CALHM4: variants seen among roughly 807,000 people sequenced by gnomAD.
CALHM4 encodes calcium homeostasis modulator protein 4.
In CALHM4, 16 loss-of-function variants were observed where a neutral mutation model predicts 13.3. The observed-to-expected ratio is 1.20, with a 90% CI of 0.81 to 1.82. The LOEUF is 1.82. Among genes scored for constraint, CALHM4 ranks in the 40% most tolerant of loss-of-function variants. The probability of loss-of-function intolerance (pLI) is 0.00; values close to 1 mark genes in which losing one functional copy is unlikely to be tolerated. For synonymous variants in CALHM4, 127 were observed against 137.1 expected, an observed-to-expected ratio of 0.93 and a Z score of 0.52; for missense variants, 344 against 374.9, an observed-to-expected ratio of 0.92 and a Z score of 0.68.
chr6:116,537,979 G>A (rs1773200537), intron 1 of CALHM4, among the ~76,000 whole-genome samples: 1 of 152,160 alleles, frequency 6.6e-6, no homozygotes, highest in Non-Finnish European at 1.5e-5. Context: ...GAGGACCACA[G>A]GTAACAAGAA....
intron 1 of CALHM4, among the ~76,000 whole-genome samples, chr6:116,534,251 C>T (rs1337241784): frequency 6.6e-6 from 1 of 152,140 alleles, no homozygotes; most frequent in East Asian, 1.9e-4. Flanking sequence ...CTGTGGGACT[C>T]CCCTCTGAAA....
rs1388947226 is a variant in CALHM4, at chr6:116,559,158, G to A, written c.*947G>A. Reference sequence around the variant, plus strand: ...CTGGCTTTACTAAATGCAGCCTACAGTATCTGGACAATTTTCTAATTTATC... The same window carrying A: ...CTGGCTTTACTAAATGCAGCCTACAATATCTGGACAATTTTCTAATTTATC... On this transcript the variant is annotated 3_prime_UTR_variant, in exon 2 of 2. Transcript: ENST00000368596. Among the ~76,000 whole-genome samples, 1 of 152,214 alleles carries A rather than the reference G, an allele frequency of 6.6e-6. No homozygotes were observed. Among genetic ancestry groups the A allele is most frequent in the East Asian group, 1.9e-4 (1 of 5,196 alleles).
chr6:116,553,867 C>G lies in CALHM4; in HGVS notation c.74C>G (p.Ala25Gly), dbSNP rs888216739. The change falls in exon 1 of 2, where the codon GCC becomes GGC. Residue 25 changes from alanine (A) to glycine (G), a missense_variant. Ala to Gly is a moderately conservative substitution (Grantham distance 60). Transcript: ENST00000368596. The stretch of plus-strand genomic sequence containing the variant: ...ATATTTATCAATTCTTTAATTGCAG[C>G]CTTGACTATTGGTGGGCAACAACTC... Reference protein sequence around the residue: ...NGIFINSLIAALTIGGQQLFS... With the variant: ...NGIFINSLIAGLTIGGQQLFS... The G allele has an allele frequency of 5.2e-6, 8 of 1,550,504 alleles. No individual in the cohort carries two copies. The highest frequency in any genetic ancestry group is 4.1e-5 in the African/African-American group (3 of 73,058).
Position 116,558,145 on chromosome 6 carries a change from C to T in CALHM4, c.879C>T (p.Phe293=), listed in dbSNP as rs1401628386. The change falls in exon 2 of 2, where the codon TTC becomes TTT. Residue 293 remains phenylalanine, a synonymous_variant. Transcript: ENST00000368596. Reference sequence around the variant, plus strand: ...ATGACTTGCAAGGTCACTATAGCTTCCTTGGAAATAGGGTGGATGAGGATA... The same window carrying T: ...ATGACTTGCAAGGTCACTATAGCTTTCTTGGAAATAGGGTGGATGAGGATA... ...MGDDLQGHYS[F]LGNRVDEDNE... is the part of the protein sequence containing the mutation. The T allele has an allele frequency of 3.1e-6, 5 of 1,613,942 alleles. No homozygotes were observed. The South Asian group carries it at 4.4e-5, about 14-fold the overall frequency.
intron 2 of CALHM4, chr6:116,545,687 A>G (rs1336245345): frequency 2.4e-5 from 11 of 453,240 alleles, no homozygotes; most frequent in Non-Finnish European, 3.9e-5. Context: ...TGAAGAGGGA[A>G]AAAAACCATG....
At position 116,554,318 on chromosome 6, in the gene CALHM4, T is replaced by C. The variant is rs982153938; in HGVS notation, c.525T>C (p.Asp175=). 2 of 1,548,350 alleles carry C rather than the reference T, an allele frequency of 1.3e-6. No homozygotes were observed. The highest frequency in any genetic ancestry group is 1.7e-4 in the Middle Eastern group (1 of 5,996). Residue 175 remains aspartate (D), a synonymous_variant, in exon 1 of 2, where the codon GAT becomes GAC. Coordinates refer to ENST00000368596, the MANE Select transcript of CALHM4 (RefSeq NM_001366078.2). Reference sequence around the variant, plus strand: ...CTTCTGACGTGATCCTAGTAAGAGATGAAATAGCTCTTCTGCACAGATACC... The same window carrying C: ...CTTCTGACGTGATCCTAGTAAGAGACGAAATAGCTCTTCTGCACAGATACC... The part of the protein sequence containing the change: ...SAPSDVILVR[D]EIALLHRYQS...
chr6:116,554,353 T>C lies in CALHM4; in HGVS notation c.558+2T>C, dbSNP rs868226449. 1 of 1,520,382 alleles carries C rather than the reference T, an allele frequency of 6.6e-7. No individual in the cohort carries two copies. The highest frequency in any genetic ancestry group is 8.8e-7 in the Non-Finnish European group (1 of 1,135,350). The allele number at this position is 1,520,382 out of a possible 1,614,324, so 94.2% of individuals were successfully genotyped here. On this transcript the variant is annotated splice_donor_variant, in intron 1 of 1. Coordinates refer to ENST00000368596, the MANE Select transcript of CALHM4 (RefSeq NM_001366078.2). LOFTEE classifies it high-confidence loss of function. Reference sequence around the variant, plus strand: ...CTTCTGCACAGATACCAGTCACAGGTAAGTTTTTAGAATTTTTTTCCCTCT... The same window carrying C: ...CTTCTGCACAGATACCAGTCACAGGCAAGTTTTTAGAATTTTTTTCCCTCT...
rs1245003809 is a variant in CALHM4, at chr6:116,560,085, C to G, written c.*1874C>G. On this transcript the variant is annotated 3_prime_UTR_variant, in exon 2 of 2. Coordinates refer to ENST00000368596, the MANE Select transcript of CALHM4 (RefSeq NM_001366078.2). The stretch of plus-strand genomic sequence containing the variant: ...CTAGGGTTCTAGTTCCACACTGATA[C>G]AAATGAACTGTGTAAATATGGAATG... Among the ~76,000 whole-genome samples the G allele has an allele frequency of 1.3e-5, 2 of 152,178 alleles. No individual in the cohort carries two copies. Among genetic ancestry groups the G allele is most frequent in the African/African-American group, 4.8e-5 (2 of 41,448 alleles).
intron 1 of CALHM4, among the ~76,000 whole-genome samples, chr6:116,554,952 T>C (rs1159021161): frequency 6.6e-6 from 1 of 152,224 alleles, no homozygotes; most frequent in Non-Finnish European, 1.5e-5. Flanking sequence ...AAAAGTGCTA[T>C]TGTGCATTTT....
upstream of CALHM4, among the ~76,000 whole-genome samples, chr6:116,549,380 T>C (rs185519243): frequency 2.9e-4 from 44 of 152,324 alleles, no homozygotes; most frequent in African/African-American, 9.1e-4. Context: ...TGTCACTATA[T>C]ACACTTCAGG....
chr6:116,549,492 A>C (rs1253591563), upstream of CALHM4, among the ~76,000 whole-genome samples: 1 of 152,078 alleles, frequency 6.6e-6, no homozygotes. Flanking sequence ...CATCATCTTG[A>C]GTATTTATCA....
Position 116,540,577 on chromosome 6 carries a change from C to G in CALHM4, c.-108-3188C>G, listed in dbSNP as rs920624987. The G allele has an allele frequency of 1.6e-5, 16 of 1,025,298 alleles. No homozygotes were observed. The African/African-American group carries it at 2.6e-4, about 17-fold the overall frequency. 63.5% of individuals were successfully genotyped at this position (1,025,298 alleles called of 1,614,324 possible). A position where few individuals can be genotyped will look rare whatever the true frequency, so the allele number is the denominator to read the frequency against. On this transcript the variant is annotated intron_variant, in intron 1 of 2. Transcript: ENST00000368597. ...TTGTGCAAGTGAATCACAAATCAAA[C>G]CAAATATGACGAGTCAAATGGCTTT...
At chr6:116,549,301 G>A (rs1773943801), upstream of CALHM4, among the ~76,000 whole-genome samples, 1 of 152,112 alleles carries the variant, frequency 6.6e-6, no homozygotes, top group Non-Finnish European at 1.5e-5. Context: ...GTACATATAT[G>A]TAAAAAATAA....
chr6:116,544,586 T>C (rs1417699884), intron 2 of CALHM4, among the ~76,000 whole-genome samples: 1 of 152,166 alleles, frequency 6.6e-6, no homozygotes, highest in Admixed American at 6.6e-5. Context: ...ACTATTTCAG[T>C]AGGTTATGAA....
chr6:116,543,987 A>G, intron 2 of CALHM4: 1 of 892,522 alleles, frequency 1.1e-6, no homozygotes, highest in Non-Finnish European at 1.7e-6. Context: ...AAAACTTAAG[A>G]CAATTTAGGT....
chr6:116,536,853 A>G (rs1300738284), intron 1 of CALHM4, among the ~76,000 whole-genome samples: 1 of 152,162 alleles, frequency 6.6e-6, no homozygotes, highest in Non-Finnish European at 1.5e-5. Context: ...TTCTCTGTAA[A>G]ACTGACTGTA....
chr6:116,558,406 C>A lies in CALHM4; in HGVS notation c.*195C>A. The A allele has an allele frequency of 1.5e-6, 1 of 660,202 alleles. No individual in the cohort carries two copies. The highest frequency in any genetic ancestry group is 2.4e-6 in the Non-Finnish European group (1 of 420,846). 40.9% of individuals were successfully genotyped at this position (660,202 alleles called of 1,614,324 possible). On this transcript the variant is annotated 3_prime_UTR_variant, in exon 2 of 2. Transcript: ENST00000368596. The stretch of plus-strand genomic sequence containing the variant: ...CCAATCTCTCATTTTGAAATTTTGC[C>A]AATGGTCTGGTAATGCCTAGAGTGG...
chr6:116,544,567 A>C (rs1309882263), intron 2 of CALHM4, among the ~76,000 whole-genome samples: 1 of 152,172 alleles, frequency 6.6e-6, no homozygotes, highest in Non-Finnish European at 1.5e-5. Context: ...ATCTGAAAGA[A>C]CATCATTAAC....
At chr6:116,540,469 A>C in intron 1 of CALHM4, 1 of 1,550,702 alleles carries the variant, frequency 6.4e-7, no homozygotes, top group South Asian at 1.2e-5. Context: ...ACCCCTGTGG[A>C]TGACGGAAAG....
Sources: allele counts gnomAD v4.1 joint callset (sites outside exome capture counted in the v4.1 genomes callset), GRCh38; gene constraint gnomAD v4.1.1; transcripts MANE v1.5; gene names NCBI Gene and HGNC (gene_info 2026-07-23, HGNC 2026-07-21).